Variants in SPOCK3 observed in about 807,000 individuals in gnomAD.
SPOCK3 encodes SPARC (osteonectin), cwcv and kazal like domains proteoglycan 3.
Under a neutral mutation model 56.6 loss-of-function variants are expected in SPOCK3, and 30 were observed. The observed-to-expected ratio is 0.53, with a 90% CI of 0.40 to 0.72. The LOEUF is 0.72. Among genes scored for constraint, SPOCK3 ranks in the 30% least tolerant of loss-of-function variants. SPOCK3 has a pLI of 0.00. For missense variants in SPOCK3, 527 were observed against 530.0 expected, an observed-to-expected ratio of 0.99 and a Z score of 0.06; for synonymous variants, 196 against 183.3, an observed-to-expected ratio of 1.07 and a Z score of -0.56.
At chr4:166,926,580 CTTCT>C (rs1739131309) in intron 4 of SPOCK3, among the ~76,000 whole-genome samples, 1 of 151,804 alleles carries the variant, frequency 6.6e-6, no homozygotes, top group Non-Finnish European at 1.5e-5. Context: ...TAGTTTTTGG[CTTCT>C]TTGACAGAAT....
At chr4:166,858,122 T>C (rs923386704) in intron 6 of SPOCK3, among the ~76,000 whole-genome samples, 76 of 152,314 alleles carry the variant, frequency 5.0e-4, no homozygotes, top group African/African-American at 1.7e-3. Flanking sequence ...ACTTGATAGA[T>C]TTATTTTAAT....
chr4:166,984,558 G>C (rs1746931394), intron 4 of SPOCK3, among the ~76,000 whole-genome samples: 1 of 152,056 alleles, frequency 6.6e-6, no homozygotes, highest in South Asian at 2.1e-4. Flanking sequence ...GTGGCATAAG[G>C]ATCAACAGGA....
chr4:166,892,810 A>G (rs950923246), intron 5 of SPOCK3, among the ~76,000 whole-genome samples: 1 of 152,048 alleles, frequency 6.6e-6, no homozygotes, highest in African/African-American at 2.4e-5. Context: ...ACGGAAAGTT[A>G]TTTTACAGTC....
chr4:167,149,443 T>A (rs990936119), intron 2 of SPOCK3, among the ~76,000 whole-genome samples: 1 of 152,080 alleles, frequency 6.6e-6, no homozygotes, highest in Admixed American at 6.6e-5. Context: ...ATGAGGGAAA[T>A]ACCTGCCAAA....
At chr4:166,846,261 A>C (rs1381573180) in intron 6 of SPOCK3, among the ~76,000 whole-genome samples, 2 of 152,122 alleles carry the variant, frequency 1.3e-5, no homozygotes, top group South Asian at 2.1e-4. Flanking sequence ...AATATACTAA[A>C]GGTGTAAGAA....
intron 4 of SPOCK3, among the ~76,000 whole-genome samples, chr4:166,953,854 A>C (rs1428823365): frequency 6.6e-6 from 1 of 152,094 alleles, no homozygotes; most frequent in African/African-American, 2.4e-5. Context: ...CAAACACCGC[A>C]TATTCTCACT....
chr4:166,829,473 A>AT (rs1263830527), intron 6 of SPOCK3, among the ~76,000 whole-genome samples: 36 of 152,064 alleles, frequency 2.4e-4, no homozygotes, highest in Admixed American at 9.8e-4. Flanking sequence ...TTGATTTACC[A>AT]CTTTTTTAAT....
intron 4 of SPOCK3, among the ~76,000 whole-genome samples, chr4:166,941,748 A>AC (rs1265041454): frequency 6.6e-6 from 1 of 152,152 alleles, no homozygotes; most frequent in Non-Finnish European, 1.5e-5. Context: ...AATTACTCGC[A>AC]CTGAGGAGCA....
At chr4:166,779,562 C>T (rs1001112037) in intron 7 of SPOCK3, among the ~76,000 whole-genome samples, 1 of 150,044 alleles carries the variant, frequency 6.7e-6, no homozygotes, top group African/African-American at 2.5e-5. Context: ...ATAGATCAAT[C>T]AAAATTATCT....
At chr4:167,009,636 AC>A (rs1408594714) in intron 3 of SPOCK3, among the ~76,000 whole-genome samples, 72 of 152,080 alleles carry the variant, frequency 4.7e-4, no homozygotes, top group Non-Finnish European at 7.2e-4. Context: ...ACCAAAAAAA[AC>A]AACAACAAAA....
intron 3 of SPOCK3, among the ~76,000 whole-genome samples, chr4:167,004,020 C>T (rs1351939449): frequency 6.6e-6 from 1 of 152,142 alleles, no homozygotes; most frequent in Non-Finnish European, 1.5e-5. Flanking sequence ...GCATTCCCAC[C>T]ATTATGGGCT....
chr4:166,803,228 G>A (rs1742804842), intron 6 of SPOCK3, among the ~76,000 whole-genome samples: 2 of 152,104 alleles, frequency 1.3e-5, no homozygotes, highest in Admixed American at 1.3e-4. Context: ...ATTAAAACAT[G>A]AGGTACAATT....
intron 2 of SPOCK3, among the ~76,000 whole-genome samples, chr4:167,224,729 A>G (rs898882255): frequency 2.0e-5 from 3 of 152,084 alleles, no homozygotes; most frequent in Non-Finnish European, 2.9e-5. Context: ...ACATGATCTC[A>G]GCTCACTGCA....
At chr4:167,110,556 A>G (rs191294611) in intron 2 of SPOCK3, among the ~76,000 whole-genome samples, 1 of 152,186 alleles carries the variant, frequency 6.6e-6, no homozygotes, top group East Asian at 1.9e-4. Context: ...CAATGAACCA[A>G]AGAACAAAAA....
intron 2 of SPOCK3, among the ~76,000 whole-genome samples, chr4:167,208,361 A>G (rs1413430584): frequency 6.6e-6 from 1 of 152,144 alleles, no homozygotes; most frequent in Non-Finnish European, 1.5e-5. Context: ...GCAGAGATAT[A>G]ATAGGAAATG....
chr4:166,748,270 A>C lies in SPOCK3; in HGVS notation c.932-6211T>G, dbSNP rs1019410865. On this transcript the variant is annotated intron_variant, in intron 8 of 10. Coordinates refer to ENST00000357545, the MANE Select transcript of SPOCK3 (RefSeq NM_001040159.2). ...GCTATGGTAACCAAAACAGCATGGT[A>C]CTGGTACCAAAACAGAGATATAGAC... 2.9e-5 allele frequency among the ~76,000 whole-genome samples: 4 copies of C among 137,648 alleles called. 1 individual carries two copies. The highest frequency in any genetic ancestry group is 1.2e-4 in the African/African-American group (4 of 32,334). 90.3% of individuals were successfully genotyped at this position (137,648 alleles called of 152,430 possible).
At chr4:167,073,124 G>T (rs545665882) in intron 2 of SPOCK3, among the ~76,000 whole-genome samples, 111 of 151,218 alleles carry the variant, frequency 7.3e-4, no homozygotes, top group African/African-American at 2.7e-3. Flanking sequence ...AATATTTATG[G>T]TATTTCCATA....
rs932660768 is a variant in SPOCK3 at position 166,769,354 on chromosome 4, G to A, written c.710-14625C>T. ...TGGTCTTTGATGATGGTGACGTACA[G>A]ATGGGGTTTTGGTGTGGATGTCCTT... On this transcript the variant is annotated intron_variant, in intron 7 of 10. Coordinates refer to ENST00000357545, the MANE Select transcript of SPOCK3 (RefSeq NM_001040159.2). Among the ~76,000 whole-genome samples the A allele has an allele frequency of 3.0e-5, 4 of 133,704 alleles. No individual in the cohort carries two copies. The Admixed American group carries it at 3.2e-4, about 11-fold the overall frequency. 87.7% of individuals were successfully genotyped at this position (133,704 alleles called of 152,430 possible).
At chr4:166,740,072 T>C (rs1734675692) in intron 9 of SPOCK3, among the ~76,000 whole-genome samples, 1 of 152,166 alleles carries the variant, frequency 6.6e-6, no homozygotes, top group Non-Finnish European at 1.5e-5. Context: ...GTGACCATAA[T>C]TGATACTTTA....
Sources: gnomAD v4.1 joint callset for allele counts (sites outside exome capture counted in the v4.1 genomes callset) on GRCh38, gnomAD v4.1.1 for gene constraint, MANE v1.5 for transcripts, NCBI Gene and HGNC (gene_info 2026-07-23, HGNC 2026-07-21) for gene names.